ITFG1: variants seen among roughly 807,000 people sequenced by gnomAD.
ITFG1 encodes T-cell immunomodulatory protein.
ITFG1 carries 34 observed loss-of-function variants against 81.8 expected under a neutral mutation model. That is an observed-to-expected ratio of 0.42 (90% CI 0.32 to 0.55). The LOEUF is 0.55. Ranked by LOEUF, ITFG1 falls within the 20% of genes least tolerant of loss-of-function variation. The probability of loss-of-function intolerance (pLI) is 0.17; values close to 1 mark genes in which losing one functional copy is unlikely to be tolerated. For synonymous variants in ITFG1, 285 were observed against 270.6 expected (o/e 1.05, Z -0.52); for missense variants, 672 against 755.4 (o/e 0.89, Z 1.29).
intron 10 of ITFG1, among the ~76,000 whole-genome samples, chr16:47,267,770 T>G (rs1255962034): frequency 1.3e-5 from 2 of 152,102 alleles, no homozygotes; most frequent in African/African-American, 4.8e-5. Flanking sequence ...AATTTCCAAA[T>G]TTTTTTAAAA....
chr16:47,328,160 T>C (rs1379334037), intron 8 of ITFG1, among the ~76,000 whole-genome samples: 1 of 152,178 alleles, frequency 6.6e-6, no homozygotes, highest in Non-Finnish European at 1.5e-5. Context: ...GATGAGTTCA[T>C]GTCCTTTGTA....
intron 13 of ITFG1, among the ~76,000 whole-genome samples, chr16:47,236,830 T>C (rs1965881310): frequency 6.6e-6 from 1 of 152,136 alleles, no homozygotes; most frequent in African/African-American, 2.4e-5. Context: ...CCAGATCTTC[T>C]CTTCAGGACC....
intron 13 of ITFG1, among the ~76,000 whole-genome samples, chr16:47,224,503 C>G (rs1965734867): frequency 6.6e-6 from 1 of 152,008 alleles, no homozygotes. Context: ...AGCTGAGTGG[C>G]AACACACAAC....
chr16:47,418,947 A>T (rs1968906724), intron 6 of ITFG1, among the ~76,000 whole-genome samples: 2 of 152,132 alleles, frequency 1.3e-5, no homozygotes, highest in South Asian at 4.1e-4. Context: ...TGTTATTTTG[A>T]TAGAGATTAC....
At chr16:47,268,205 T>C (rs1186666877) in intron 10 of ITFG1, among the ~76,000 whole-genome samples, 1 of 152,028 alleles carries the variant, frequency 6.6e-6, no homozygotes, top group East Asian at 1.9e-4. Flanking sequence ...ATGACAGAGT[T>C]AACATCACTA....
chr16:47,418,620 C>A (rs536274614), intron 6 of ITFG1, among the ~76,000 whole-genome samples: 1 of 152,182 alleles, frequency 6.6e-6, no homozygotes, highest in South Asian at 2.1e-4. Context: ...TTTCCCAGCA[C>A]TATTTATTAA....
chr16:47,332,042 T>C (rs1411120036), intron 8 of ITFG1, among the ~76,000 whole-genome samples: 1 of 152,154 alleles, frequency 6.6e-6, no homozygotes, highest in African/African-American at 2.4e-5. Flanking sequence ...TAAAAGACTC[T>C]TATGTATGAA....
intron 12 of ITFG1, among the ~76,000 whole-genome samples, chr16:47,243,617 A>G (rs1965963389): frequency 6.6e-6 from 1 of 152,236 alleles, no homozygotes; most frequent in Non-Finnish European, 1.5e-5. Flanking sequence ...CATATATAAC[A>G]TTATGGAATG....
chr16:47,406,300 C>T (rs1219749991), intron 6 of ITFG1, among the ~76,000 whole-genome samples: 1 of 152,130 alleles, frequency 6.6e-6, no homozygotes, highest in African/African-American at 2.4e-5. Flanking sequence ...TCTATGTCTG[C>T]TTAGATAAAA....
At position 47,186,891 on chromosome 16, in the gene ITFG1, C is replaced by G. The variant is rs561373464; in HGVS notation, c.1454-24227G>C. Among the ~76,000 whole-genome samples, 261 of 152,314 alleles carry G rather than the reference C, an allele frequency of 1.7e-3. 2 individuals carry two copies. The highest frequency in any genetic ancestry group is 5.9e-3 in the African/African-American group (247 of 41,560). ...TGTCTCAGCCCAAAATCTCCTTAAG[C>G]TGATAAGCAACTTCAGCAAAGTCTC... On this transcript the variant is annotated intron_variant, in intron 14 of 17. Coordinates refer to ENST00000320640, the MANE Select transcript of ITFG1 (RefSeq NM_030790.5).
intron 8 of ITFG1, among the ~76,000 whole-genome samples, chr16:47,348,770 A>G (rs1008686675): frequency 6.6e-6 from 1 of 152,200 alleles, no homozygotes; most frequent in Non-Finnish European, 1.5e-5. Flanking sequence ...AGATTCACCA[A>G]AGTTGAAATG....
At chr16:47,337,359 C>T (rs141036714) in intron 8 of ITFG1, among the ~76,000 whole-genome samples, 3,093 of 152,056 alleles carry the variant, frequency 0.02, 106 homozygotes, top group African/African-American at 0.07. Flanking sequence ...ATCACGAGGT[C>T]AGGAGTTCAA....
intron 10 of ITFG1, among the ~76,000 whole-genome samples, chr16:47,298,578 A>G (rs1341309145): frequency 2.6e-5 from 4 of 152,156 alleles, no homozygotes; most frequent in African/African-American, 7.2e-5. Context: ...AATATTAGTT[A>G]AAAATAGCTT....
chr16:47,189,337 AC>A (rs1318338361), intron 14 of ITFG1, among the ~76,000 whole-genome samples: 1 of 152,004 alleles, frequency 6.6e-6, no homozygotes, highest in Non-Finnish European at 1.5e-5. Context: ...CACAAAAAAA[AC>A]CCCACACCCA....
chr16:47,359,902 ATTTAATTGTT>A (rs1968087891), intron 8 of ITFG1, among the ~76,000 whole-genome samples: 1 of 152,172 alleles, frequency 6.6e-6, no homozygotes, highest in South Asian at 2.1e-4. Context: ...TTCCTTATTA[ATTTAATTGTT>A]TTTGTCTTTC....
intron 13 of ITFG1, among the ~76,000 whole-genome samples, chr16:47,237,385 C>G (rs1196976919): frequency 6.6e-6 from 1 of 152,136 alleles, no homozygotes; most frequent in Non-Finnish European, 1.5e-5. Context: ...ACAAGGATTA[C>G]TACAAAGACC....
rs191708809 is a variant in ITFG1, at chr16:47,298,299, A to T, written c.1070+12941T>A. On this transcript the variant is annotated intron_variant, in intron 10 of 17. Transcript: ENST00000320640. ...TGAGATTCTTTACAATCAATAATTT[A>T]AATTGGTATTTTGATTATTTCTTTT... 2.1e-4 allele frequency among the ~76,000 whole-genome samples: 32 copies of T among 152,298 alleles called. No homozygotes were observed. The East Asian group carries it at 5.2e-3, about 25-fold the overall frequency.
At chr16:47,292,300 C>T (rs1231431818) in intron 10 of ITFG1, among the ~76,000 whole-genome samples, 1 of 152,330 alleles carries the variant, frequency 6.6e-6, no homozygotes, top group East Asian at 1.9e-4. Flanking sequence ...GCGTGAGCCA[C>T]CGTGCCCAGC....
At chr16:47,461,136 G>A (rs946280660), upstream of ITFG1, 1 of 1,256,736 alleles carries the variant, frequency 8.0e-7, no homozygotes, top group Non-Finnish European at 1.1e-6. Context: ...GTGGCGCGCA[G>A]CCCCGGGACG....
Sources: gnomAD v4.1 joint callset for allele counts (sites outside exome capture counted in the v4.1 genomes callset) on GRCh38, gnomAD v4.1.1 for gene constraint, MANE v1.5 for transcripts, NCBI Gene and HGNC (gene_info 2026-07-23, HGNC 2026-07-21) for gene names.